PDE8A: variants seen among roughly 807,000 people sequenced by gnomAD.
The protein encoded by PDE8A is high affinity cAMP-specific and IBMX-insensitive 3',5'-cyclic phosphodiesterase 8A.
Under a neutral mutation model 105.0 loss-of-function variants are expected in PDE8A, and 59 were observed. The ratio of observed to expected loss-of-function variants is 0.56; its 90% CI spans 0.46 to 0.70. The LOEUF is 0.70. PDE8A is among the 30% of genes least tolerant of loss of function. The pLI is 0.00. For missense variants in PDE8A, 1,014 were observed against 1,045.9 expected (o/e 0.97, Z 0.42); for synonymous variants, 355 against 371.9 (o/e 0.95, Z 0.52).
At chr15:85,037,065 ATT>A (rs756347084) in intron 1 of PDE8A, among the ~76,000 whole-genome samples, 33 of 141,312 alleles carry the variant, frequency 2.3e-4, no homozygotes, top group Admixed American at 3.5e-4. Context: ...TACTGGACTA[ATT>A]TTTTTTTTTT....
At chr15:85,068,348 C>T (rs923892276) in intron 3 of PDE8A, among the ~76,000 whole-genome samples, 6 of 152,090 alleles carry the variant, frequency 3.9e-5, no homozygotes, top group African/African-American at 1.2e-4. Context: ...CCCGCCCTAC[C>T]CCAGATTTCT....
At chr15:84,993,170 G>C (rs760688959) in intron 1 of PDE8A, among the ~76,000 whole-genome samples, 2 of 152,206 alleles carry the variant, frequency 1.3e-5, no homozygotes, top group African/African-American at 4.8e-5. Flanking sequence ...TCGGCTGGGC[G>C]TGGTGGCTCA....
chr15:85,014,640 C>T (rs1352941977), intron 1 of PDE8A, among the ~76,000 whole-genome samples: 2 of 152,044 alleles, frequency 1.3e-5, no homozygotes, highest in Non-Finnish European at 2.9e-5. Flanking sequence ...TATTGATGTT[C>T]ATATATTTAT....
At chr15:85,004,883 T>C (rs1219305876) in intron 1 of PDE8A, among the ~76,000 whole-genome samples, 3 of 151,182 alleles carry the variant, frequency 2.0e-5, no homozygotes, top group Non-Finnish European at 4.4e-5. Flanking sequence ...CAATGTTTTC[T>C]CTCTGGATTG....
At chr15:84,992,684 T>G (rs570488113) in intron 1 of PDE8A, among the ~76,000 whole-genome samples, 1 of 151,910 alleles carries the variant, frequency 6.6e-6, no homozygotes, top group African/African-American at 2.4e-5. Context: ...GAGGAGGGAA[T>G]GAGAGAAGGA....
intron 20 of PDE8A, among the ~76,000 whole-genome samples, chr15:85,136,025 G>A (rs1339288365): frequency 6.6e-6 from 1 of 152,180 alleles, no homozygotes; most frequent in Non-Finnish European, 1.5e-5. Context: ...TGATAGGAGT[G>A]AGAAAAGAAC....
At chr15:85,085,361 T>C (rs566049949) in intron 6 of PDE8A, among the ~76,000 whole-genome samples, 70 of 152,312 alleles carry the variant, frequency 4.6e-4, no homozygotes, top group Admixed American at 7.8e-4. Context: ...TAAAAAGCTG[T>C]AACAAGCAGG....
chr15:85,009,243 A>G (rs893483034), intron 1 of PDE8A, among the ~76,000 whole-genome samples: 10 of 152,180 alleles, frequency 6.6e-5, no homozygotes, highest in African/African-American at 2.4e-4. Flanking sequence ...AAACTGACCT[A>G]TGGAGACAAT....
Position 85,138,115 on chromosome 15 carries a change from T to G in PDE8A, c.*212T>G. 2.0e-6 allele frequency: 1 copy of G among 491,812 alleles called. No individual in the cohort carries two copies. Among genetic ancestry groups the G allele is most frequent in the East Asian group, 3.2e-5 (1 of 30,942 alleles). 30.5% of individuals were successfully genotyped at this position (491,812 alleles called of 1,614,324 possible). A position where few individuals can be genotyped will look rare whatever the true frequency, so the allele number is the denominator to read the frequency against. ...AGACTTGGCCACTGTAGCCTGGGCC[T>G]GCTGCAGGAGCTCTTCAGAAAGGCA... On this transcript the variant is annotated 3_prime_UTR_variant, in exon 22 of 22. Transcript: ENST00000394553.
intron 1 of PDE8A, among the ~76,000 whole-genome samples, chr15:84,996,036 A>G (rs2079970301): frequency 6.6e-6 from 1 of 152,134 alleles, no homozygotes; most frequent in African/African-American, 2.4e-5. Context: ...TGTTGCCTAT[A>G]TCTCTATTTT....
At chr15:85,092,118 G>A (rs971268509) in intron 8 of PDE8A, among the ~76,000 whole-genome samples, 2 of 151,806 alleles carry the variant, frequency 1.3e-5, no homozygotes, top group East Asian at 1.9e-4. Context: ...CTTATACTCC[G>A]CTCATCTTGG....
chr15:85,004,603 A>G (rs2080116588), intron 1 of PDE8A, among the ~76,000 whole-genome samples: 1 of 152,224 alleles, frequency 6.6e-6, no homozygotes, highest in Admixed American at 6.5e-5. Context: ...ATACTTTAAG[A>G]TTAATTTTCT....
chr15:85,027,698 C>T (rs956549106), intron 1 of PDE8A, among the ~76,000 whole-genome samples: 9 of 152,172 alleles, frequency 5.9e-5, no homozygotes, highest in African/African-American at 2.2e-4. Context: ...AGGAAATTTA[C>T]ACAATTCTGT....
intron 1 of PDE8A, 87 bp downstream of exon 1, chr15:84,982,435 C>A: frequency 1.2e-6 from 1 of 807,284 alleles, no homozygotes; most frequent in Non-Finnish European, 1.7e-6. Flanking sequence ...GCGGGGTCCC[C>A]CCCACCCGGC....
chr15:85,120,559 A>G (rs917480390), intron 17 of PDE8A: 10 of 386,016 alleles, frequency 2.6e-5, no homozygotes, highest in Admixed American at 8.3e-5. Flanking sequence ...GGTGACTCCT[A>G]TCTGTTGAGA....
intron 3 of PDE8A, 48 bp downstream of exon 3, chr15:85,067,252 A>G: frequency 3.0e-6 from 4 of 1,319,126 alleles, no homozygotes; most frequent in Non-Finnish European, 4.2e-6. Context: ...CTTTCTGACA[A>G]TACATGCAGC....
intron 1 of PDE8A, among the ~76,000 whole-genome samples, chr15:84,993,719 A>T (rs1004078824): frequency 1.6e-4 from 24 of 146,420 alleles, no homozygotes; most frequent in South Asian, 4.3e-4. Context: ...CATTCTCTAT[A>T]AAAAAAAATA....
Position 84,993,218 on chromosome 15 carries a change from C to T in PDE8A, c.186+10870C>T, listed in dbSNP as rs1011271925. Among the ~76,000 whole-genome samples the T allele has an allele frequency of 6.7e-4, 101 of 150,032 alleles. 1 individual carries two copies. Among genetic ancestry groups the T allele is most frequent in the Middle Eastern group, 3.8e-3 (1 of 266 alleles). On this transcript the variant is annotated intron_variant, in intron 1 of 21. Coordinates refer to ENST00000394553, the MANE Select transcript of PDE8A (RefSeq NM_002605.3). ...CAGCACTTTGGGAGGCCAAGGCGGG[C>T]GGATCACAAGGTCAGGAGATCAAGA...
At chr15:85,033,524 T>C (rs1056761708) in intron 1 of PDE8A, among the ~76,000 whole-genome samples, 1 of 152,134 alleles carries the variant, frequency 6.6e-6, no homozygotes, top group Non-Finnish European at 1.5e-5. Flanking sequence ...AGAAGACTTC[T>C]ACTCTCCTGA....
Sources: allele counts gnomAD v4.1 joint callset (sites outside exome capture counted in the v4.1 genomes callset), GRCh38; gene constraint gnomAD v4.1.1; transcripts MANE v1.5; gene names NCBI Gene and HGNC (gene_info 2026-07-23, HGNC 2026-07-21).